Variants in C12orf71 observed in about 807,000 individuals in gnomAD.
C12orf71 encodes chromosome 12 open reading frame 71.
C12orf71 carries 10 observed loss-of-function variants against 11.7 expected under a neutral mutation model. That is an observed-to-expected ratio of 0.86 (90% CI 0.53 to 1.45). C12orf71 has a LOEUF of 1.45. C12orf71 is among the 40% of genes most tolerant of loss of function. The probability of loss-of-function intolerance (pLI) is 0.00; values close to 1 mark genes in which losing one functional copy is unlikely to be tolerated. For missense variants in C12orf71, 293 were observed against 325.8 expected (o/e 0.90, Z 0.78); for synonymous variants, 110 against 123.4 (o/e 0.89, Z 0.72).
At chr12:27,083,102 A>G (rs1941951309), upstream of C12orf71, among the ~76,000 whole-genome samples, 1 of 151,672 alleles carries the variant, frequency 6.6e-6, no homozygotes, top group Non-Finnish European at 1.5e-5. Context: ...CACCATGCCC[A>G]GCTAATTTTT....
In C12orf71 at chr12:27,082,277, G is replaced by C. The variant is rs1157887204; in HGVS notation, c.207C>G (p.Arg69=). ...GAWGTERIGR[R]MKRQDQIQDE... The stretch of plus-strand genomic sequence containing the variant: ...CCTGAATTTGGTCTTGTCTCTTCAT[G>C]CGTCTCCCTATCCTTTCAGTCCCCC... Residue 69 remains arginine, a synonymous_variant, in exon 1 of 2, where the codon CGC becomes CGG. Transcript: ENST00000429849. 7 of 1,609,594 alleles carry C rather than the reference G, an allele frequency of 4.3e-6. No homozygotes were observed. The highest frequency in any genetic ancestry group is 5.9e-6 in the Non-Finnish European group (7 of 1,177,884).
At chr12:27,083,579 A>G (rs543752905), upstream of C12orf71, among the ~76,000 whole-genome samples, 1 of 152,344 alleles carries the variant, frequency 6.6e-6, no homozygotes, top group Admixed American at 6.5e-5. Context: ...GTCCACATAC[A>G]CATATACATA....
upstream of C12orf71, among the ~76,000 whole-genome samples, chr12:27,083,077 A>G (rs1022693092): frequency 2.6e-5 from 4 of 151,870 alleles, no homozygotes; most frequent in African/African-American, 7.3e-5. Context: ...GGTAGCTAGG[A>G]CTACAGGCAC....
At position 27,082,500 on chromosome 12, in the gene C12orf71, A is replaced by G; in HGVS notation, c.-17T>C. On this transcript the variant is annotated 5_prime_UTR_variant, in exon 1 of 2. Coordinates refer to ENST00000429849, the MANE Select transcript of C12orf71 (RefSeq NM_001080406.2). ...ATATGCCATGGAGTTCAAAGGCACA[A>G]ATTTCTCTCAACTTGAGAAGCTTCA... 6.9e-7 allele frequency: 1 copy of G among 1,452,190 alleles called. No homozygotes were observed. Among genetic ancestry groups the G allele is most frequent in the Non-Finnish European group, 9.1e-7 (1 of 1,101,914 alleles). The allele number at this position is 1,452,190 out of a possible 1,614,324, so 90.0% of individuals were successfully genotyped here.
chr12:27,083,286 C>T (rs774178662), upstream of C12orf71, among the ~76,000 whole-genome samples: 2 of 152,138 alleles, frequency 1.3e-5, no homozygotes, highest in African/African-American at 4.8e-5. Context: ...AAGAGGCAGC[C>T]CTCTCCCTTT....
Position 27,081,261 on chromosome 12 carries a change from G to C in C12orf71, c.723C>G (p.Pro241=), listed in dbSNP as rs1565490013. The C allele has an allele frequency of 1.2e-6, 2 of 1,613,938 alleles. No homozygotes were observed. Among genetic ancestry groups the C allele is most frequent in the Admixed American group, 3.3e-5 (2 of 60,026 alleles). Residue 241 remains proline, a synonymous_variant, in exon 2 of 2, where the codon CCC becomes CCG. Transcript: ENST00000429849. ...GTCTTTTCGTTGGTGCTGACCGATG[G>C]GGACTTTTGGTGGCATTCACAGGGT... is the stretch of plus-strand genomic sequence containing the variant. ...RDHPVNATKS[P]HRSAPTKRLF...
chr12:27,082,873 G>T (rs841248), upstream of C12orf71, among the ~76,000 whole-genome samples: 34,362 of 151,808 alleles, frequency 0.23, 4,919 homozygotes, highest in Non-Finnish European at 0.33. Flanking sequence ...CACCACACCC[G>T]GCCCCATTCC....
chr12:27,082,004 G>A lies in C12orf71; in HGVS notation c.480C>T (p.Phe160=). ...AVFPETAQQD[F]QLSSGSPPEM... ...CCGGAGGGGAGCCGCTGGATAGCTGGAAATCTTGCTGAGCAGTTTCAGGAA... is the reference window on the plus strand; with the variant it reads ...CCGGAGGGGAGCCGCTGGATAGCTGAAAATCTTGCTGAGCAGTTTCAGGAA... Residue 160 remains phenylalanine, a synonymous_variant, in exon 1 of 2, where the codon TTC becomes TTT. Coordinates refer to ENST00000429849, the MANE Select transcript of C12orf71 (RefSeq NM_001080406.2). The A allele has an allele frequency of 6.3e-7, 1 of 1,587,932 alleles. No individual in the cohort carries two copies. The highest frequency in any genetic ancestry group is 8.6e-7 in the Non-Finnish European group (1 of 1,165,620).
intron 1 of C12orf71, 21 bp downstream of exon 1, chr12:27,081,947 A>T (rs1350501169): frequency 2.6e-6 from 4 of 1,567,860 alleles, no homozygotes; most frequent in Non-Finnish European, 3.5e-6. Flanking sequence ...CTTGACAAGC[A>T]TCATATTCCT....
chr12:27,082,314 A>G lies in C12orf71; in HGVS notation c.170T>C (p.Val57Ala). 2 of 1,601,096 alleles carry G rather than the reference A, an allele frequency of 1.2e-6. No individual in the cohort carries two copies. The highest frequency in any genetic ancestry group is 1.7e-6 in the Non-Finnish European group (2 of 1,174,442). ...KGPSIHFLPPVQGAWGTERIG... is the reference protein window; with the variant it reads ...KGPSIHFLPPAQGAWGTERIG... ...CCTTTCAGTCCCCCATGCCCCTTGG[A>G]CGGGAGGCAGAAAGTGGATGGAAGG... Residue 57 changes from valine to alanine, a missense_variant, in exon 1 of 2, where the codon GTC becomes GCC. Val to Ala is a moderately conservative substitution (Grantham distance 64). Coordinates refer to ENST00000429849, the MANE Select transcript of C12orf71 (RefSeq NM_001080406.2).
At position 27,082,244 on chromosome 12, in the gene C12orf71, T is replaced by TG. The variant is rs764720630; in HGVS notation, c.239dup (p.Glu81ArgfsTer20). 6.2e-7 allele frequency: 1 copy of TG among 1,613,016 alleles called. No homozygotes were observed. The highest frequency in any genetic ancestry group is 1.3e-5 in the African/African-American group (1 of 74,874). The stretch of plus-strand genomic sequence containing the variant: ...AGATGCTTAGTTTGCAAAACTGCTC[T>TG]GGTTCATCCTGAATTTGGTCTTGTC... On this transcript the variant is annotated frameshift_variant, in exon 1 of 2. Coordinates refer to ENST00000429849, the MANE Select transcript of C12orf71 (RefSeq NM_001080406.2). LOFTEE classifies it high-confidence loss of function.
At position 27,082,549 on chromosome 12, in the gene C12orf71, T is replaced by A; in HGVS notation, c.-66A>T. On this transcript the variant is annotated 5_prime_UTR_variant, in exon 1 of 2. Coordinates refer to ENST00000429849, the MANE Select transcript of C12orf71 (RefSeq NM_001080406.2). ...CAAAAAAGAAAAAAGAAAAAATAGG[T>A]GGGACTAAGGAGAAGAGAGTCATAG... 1 of 1,308,078 alleles carries A rather than the reference T, an allele frequency of 7.6e-7. No individual in the cohort carries two copies. Among genetic ancestry groups the A allele is most frequent in the Non-Finnish European group, 1.0e-6 (1 of 983,154 alleles). The allele number at this position is 1,308,078 out of a possible 1,614,324, so 81.0% of individuals were successfully genotyped here.
chr12:27,081,299 G>A lies in C12orf71; in HGVS notation c.685C>T (p.Leu229=). Residue 229 remains leucine (L), a synonymous_variant, in exon 2 of 2, where the codon CTG becomes TTG. Coordinates refer to ENST00000429849, the MANE Select transcript of C12orf71 (RefSeq NM_001080406.2). ...GCATTCACAGGGTGATCCCTCCTCA[G>A]CAGAGAGGGGAGGATACGCTGCCTC... is the stretch of plus-strand genomic sequence containing the variant. The part of the protein sequence containing the change: ...WLRQRILPSL[L]RRDHPVNATK... The A allele has an allele frequency of 1.2e-6, 2 of 1,613,946 alleles. No homozygotes were observed. The highest frequency in any genetic ancestry group is 3.3e-5 in the Admixed American group (2 of 60,022).
At position 27,081,244 on chromosome 12, in the gene C12orf71, G is replaced by T; in HGVS notation, c.740C>A (p.Thr247Lys). The T allele has an allele frequency of 1.2e-6, 2 of 1,613,896 alleles. No homozygotes were observed. Among genetic ancestry groups the T allele is most frequent in the Non-Finnish European group, 1.7e-6 (2 of 1,179,838 alleles). Residue 247 changes from threonine (T) to lysine (K), a missense_variant, in exon 2 of 2, where the codon ACG becomes AAG. Physicochemically the swap from Thr to Lys is moderately conservative, Grantham distance 78. Transcript: ENST00000429849. Reference protein sequence around the residue: ...ATKSPHRSAPTKRLFHRGKRI... With the variant: ...ATKSPHRSAPKKRLFHRGKRI... ...CTTGCCTCTGTGAAAGAGTCTTTTC[G>T]TTGGTGCTGACCGATGGGGACTTTT...
chr12:27,083,399 A>G (rs188604056), upstream of C12orf71, among the ~76,000 whole-genome samples: 1 of 152,232 alleles, frequency 6.6e-6, no homozygotes, highest in Non-Finnish European at 1.5e-5. Context: ...AAAGAAAAGG[A>G]TGATCATTGT....
At position 27,081,806 on chromosome 12, in the gene C12orf71, C is replaced by G. The variant is rs571276092; in HGVS notation, c.516+162G>C. On this transcript the variant is annotated intron_variant, in intron 1 of 1. Coordinates refer to ENST00000429849, the MANE Select transcript of C12orf71 (RefSeq NM_001080406.2). ...TGGTCATAAGATTCTGTGGTTCAAC[C>G]CAGGCCTATCCCTTCCTGTCCTGTG... 1.6e-4 allele frequency: 131 copies of G among 821,948 alleles called. 1 individual carries two copies. Among genetic ancestry groups the G allele is most frequent in the Admixed American group, 1.1e-3 (56 of 50,126 alleles). The allele number at this position is 821,948 out of a possible 1,614,324, so 50.9% of individuals were successfully genotyped here. A position where few individuals can be genotyped will look rare whatever the true frequency, so the allele number is the denominator to read the frequency against.
chr12:27,082,108 G>A lies in C12orf71; in HGVS notation c.376C>T (p.Leu126=), dbSNP rs1941940510. 1 of 1,612,734 alleles carries A rather than the reference G, an allele frequency of 6.2e-7. No homozygotes were observed. Among genetic ancestry groups the A allele is most frequent in the South Asian group, 1.1e-5 (1 of 90,894 alleles). The part of the protein sequence containing the change: ...IDKLPKERTK[L]SVGKLNNLVQ... ...AGATTATTCAGTTTGCCAACAGACA[G>A]TTTTGTTCTCTCTTTTGGTAACTTG... The change falls in exon 1 of 2, where the codon CTG becomes TTG. Residue 126 remains leucine (L), a synonymous_variant. Transcript: ENST00000429849.
upstream of C12orf71, chr12:27,082,618 T>TA (rs1941947505): frequency 2.8e-6 from 2 of 717,742 alleles, no homozygotes; most frequent in South Asian, 1.0e-4. Flanking sequence ...TTTTTTCTTT[T>TA]TTTTTTTTTG....
chr12:27,081,713 C>T, intron 1 of C12orf71: 3 of 694,098 alleles, frequency 4.3e-6, no homozygotes, highest in Middle Eastern at 3.8e-4. Context: ...ACAGCTTCAC[C>T]CTGACTCCTT....
Sources: allele counts gnomAD v4.1 joint callset (sites outside exome capture counted in the v4.1 genomes callset), GRCh38; gene constraint gnomAD v4.1.1; transcripts MANE v1.5; gene names NCBI Gene and HGNC (gene_info 2026-07-23, HGNC 2026-07-21).